ADAMTS19: variants seen among roughly 807,000 people sequenced by gnomAD.
ADAMTS19 encodes the protein ADAM metallopeptidase with thrombospondin type 1 motif 19, also known as A disintegrin and metalloproteinase with thrombospondin motifs 19.
ADAMTS19 carries 93 observed loss-of-function variants against 153.3 expected under a neutral mutation model. The ratio of observed to expected loss-of-function variants is 0.61; its 90% confidence interval spans 0.51 to 0.72. The LOEUF (loss-of-function observed/expected upper bound fraction) is 0.72, where lower values mean the gene tolerates loss of function less well. ADAMTS19 is among the 30% of genes least tolerant of loss of function. The pLI is 0.00. For missense variants in ADAMTS19, 1,482 were observed against 1,552.1 expected (o/e 0.95, Z 0.76); for synonymous variants, 600 against 556.6 (o/e 1.08, Z -1.10).
chr5:129,699,869 A>C (rs1755747984), intron 19 of ADAMTS19, among the ~76,000 whole-genome samples: 1 of 152,250 alleles, frequency 6.6e-6, no homozygotes, highest in South Asian at 2.1e-4. Context: ...GCTACTATAT[A>C]TAATATATCC....
chr5:129,476,584 G>T (rs1373994437), intron 2 of ADAMTS19, among the ~76,000 whole-genome samples: 3 of 152,112 alleles, frequency 2.0e-5, no homozygotes, highest in Non-Finnish European at 4.4e-5. Context: ...TATGTGTTTA[G>T]TTAAACAGAA....
intron 7 of ADAMTS19, among the ~76,000 whole-genome samples, chr5:129,580,077 G>GT (rs565449408): frequency 4.6e-4 from 70 of 152,258 alleles, no homozygotes; most frequent in African/African-American, 1.7e-3. Flanking sequence ...AGCATGGAAT[G>GT]TTTTTCCATT....
At chr5:129,689,356 C>A (rs559971193) in intron 18 of ADAMTS19, among the ~76,000 whole-genome samples, 7 of 152,150 alleles carry the variant, frequency 4.6e-5, no homozygotes, top group Non-Finnish European at 1.0e-4. Flanking sequence ...AAAGCCTATA[C>A]CTTTTAAAAC....
intron 19 of ADAMTS19, among the ~76,000 whole-genome samples, chr5:129,700,699 A>T (rs1045007626): frequency 6.6e-6 from 1 of 152,024 alleles, no homozygotes; most frequent in African/African-American, 2.4e-5. Context: ...AATAAGAATA[A>T]CTCCTGGATA....
At chr5:129,475,383 C>T (rs917680351) in intron 2 of ADAMTS19, among the ~76,000 whole-genome samples, 7 of 152,042 alleles carry the variant, frequency 4.6e-5, no homozygotes, top group Admixed American at 3.3e-4. Context: ...GTAAATTGAC[C>T]GCAAATGTGC....
At chr5:129,667,878 C>T (rs1365651812) in intron 16 of ADAMTS19, among the ~76,000 whole-genome samples, 1 of 152,074 alleles carries the variant, frequency 6.6e-6, no homozygotes, top group Non-Finnish European at 1.5e-5. Context: ...ATGCTAAAAC[C>T]TCTTCTTCCT....
chr5:129,578,127 C>T (rs1235720553), intron 7 of ADAMTS19, among the ~76,000 whole-genome samples: 3 of 125,316 alleles, frequency 2.4e-5, no homozygotes, highest in African/African-American at 8.9e-5. Flanking sequence ...TGTACGTATA[C>T]GTACATATAC....
At chr5:129,538,966 A>G (rs897516059) in intron 6 of ADAMTS19, among the ~76,000 whole-genome samples, 3 of 152,094 alleles carry the variant, frequency 2.0e-5, no homozygotes, top group Non-Finnish European at 4.4e-5. Flanking sequence ...CTGCTCTCCA[A>G]CCCTAAGGTA....
At chr5:129,591,823 G>A (rs1000892771) in intron 7 of ADAMTS19, among the ~76,000 whole-genome samples, 1 of 152,020 alleles carries the variant, frequency 6.6e-6, no homozygotes, top group Non-Finnish European at 1.5e-5. Flanking sequence ...CACTTCTGGA[G>A]CCCAGAGACT....
intron 7 of ADAMTS19, among the ~76,000 whole-genome samples, chr5:129,572,674 T>A (rs1165708955): frequency 1.3e-5 from 2 of 151,982 alleles, no homozygotes; most frequent in East Asian, 1.9e-4. Context: ...GTCTCAAAGG[T>A]TACTTACTGT....
At chr5:129,595,059 C>A (rs1561591119) in intron 7 of ADAMTS19, among the ~76,000 whole-genome samples, 1 of 152,054 alleles carries the variant, frequency 6.6e-6, no homozygotes, top group East Asian at 1.9e-4. Flanking sequence ...TGTATTTCGT[C>A]TTTTTGCTGT....
chr5:129,466,062 A>T (rs1031621223), intron 2 of ADAMTS19, among the ~76,000 whole-genome samples: 3 of 152,200 alleles, frequency 2.0e-5, no homozygotes, highest in African/African-American at 7.2e-5. Flanking sequence ...TTTTTCTGTT[A>T]TCCCATTCTG....
At chr5:129,490,495 T>C (rs896359844) in intron 2 of ADAMTS19, among the ~76,000 whole-genome samples, 1 of 152,172 alleles carries the variant, frequency 6.6e-6, no homozygotes, top group African/African-American at 2.4e-5. Context: ...TAAGAATTAA[T>C]TTGTAATATT....
At chr5:129,634,888 T>G (rs30694) in intron 10 of ADAMTS19, among the ~76,000 whole-genome samples, 63,229 of 149,302 alleles carry the variant, frequency 0.42, 14,680 homozygotes, top group African/African-American at 0.64. Context: ...AAAAGCAAAA[T>G]AAAAGAGAGA....
At chr5:129,473,135 A>G (rs1436431515) in intron 2 of ADAMTS19, among the ~76,000 whole-genome samples, 1 of 151,950 alleles carries the variant, frequency 6.6e-6, no homozygotes, top group African/African-American at 2.4e-5. Flanking sequence ...TTTTCTACTC[A>G]TTCACATTCC....
At chr5:129,658,339 A>AGAG (rs1561632332) in intron 14 of ADAMTS19, among the ~76,000 whole-genome samples, 2 of 109,182 alleles carry the variant, frequency 1.8e-5, no homozygotes, top group African/African-American at 8.8e-5. Flanking sequence ...GAAAGAAAGA[A>AGAG]AGAAAGAAAG....
intron 7 of ADAMTS19, among the ~76,000 whole-genome samples, chr5:129,578,134 ATACC>A (rs1488672780): frequency 2.3e-5 from 3 of 131,742 alleles, no homozygotes; most frequent in East Asian, 2.3e-4. Flanking sequence ...ATACGTACAT[ATACC>A]TATATGCATG....
intron 10 of ADAMTS19, among the ~76,000 whole-genome samples, chr5:129,625,172 C>A (rs1581160156): frequency 6.6e-6 from 1 of 152,080 alleles, no homozygotes; most frequent in Non-Finnish European, 1.5e-5. Context: ...TGAATGCATC[C>A]TTTTTATGAC....
intron 6 of ADAMTS19, among the ~76,000 whole-genome samples, chr5:129,544,008 C>A (rs559179124): frequency 3.3e-4 from 50 of 152,230 alleles, no homozygotes; most frequent in African/African-American, 1.1e-3. Flanking sequence ...TCTCTTTTAG[C>A]TCTACCTTTT....
Sources: gnomAD v4.1 joint callset for allele counts (sites outside exome capture counted in the v4.1 genomes callset) on GRCh38, gnomAD v4.1.1 for gene constraint, MANE v1.5 for transcripts, NCBI Gene and HGNC (gene_info 2026-07-23, HGNC 2026-07-21) for gene names.